The following KCNMA1 variants were observed in gnomAD, a reference collection of about 807,000 sequenced individuals.
KCNMA1 encodes potassium calcium-activated channel subfamily M alpha 1, also known as Calcium-activated potassium channel subunit alpha-1.
KCNMA1 carries 29 observed loss-of-function variants against 140.0 expected under a neutral mutation model. The ratio of observed to expected loss-of-function variants is 0.21; its 90% confidence interval spans 0.15 to 0.28. The LOEUF is 0.28. Ranked by LOEUF, KCNMA1 falls within the 10% of genes least tolerant of loss-of-function variation. The pLI is 1.00. For missense variants in KCNMA1, 880 were observed against 1,602.2 expected (o/e 0.55, Z 7.70); for synonymous variants, 612 against 611.9 (o/e 1.00, Z 0.00).
At chr10:77,557,160 TG>T (rs1347466330) in intron 1 of KCNMA1, among the ~76,000 whole-genome samples, 1 of 152,228 alleles carries the variant, frequency 6.6e-6, no homozygotes, top group East Asian at 1.9e-4. Context: ...TTGCAGGGAA[TG>T]GGGGCTCCAG....
At chr10:77,489,661 C>T (rs961778915) in intron 1 of KCNMA1, among the ~76,000 whole-genome samples, 1 of 152,178 alleles carries the variant, frequency 6.6e-6, no homozygotes, top group Non-Finnish European at 1.5e-5. Context: ...TTTTCATTTG[C>T]TGAATCTACC....
At chr10:77,374,726 G>T (rs952935661) in intron 2 of KCNMA1, among the ~76,000 whole-genome samples, 5 of 152,122 alleles carry the variant, frequency 3.3e-5, no homozygotes, top group Admixed American at 6.5e-5. Context: ...GTTTCTTTAG[G>T]TAGGAGGGAA....
intron 23 of KCNMA1, among the ~76,000 whole-genome samples, chr10:76,932,287 C>CT (rs1179817136): frequency 6.6e-6 from 1 of 152,064 alleles, no homozygotes; most frequent in Non-Finnish European, 1.5e-5. Context: ...AAAAGAGTGA[C>CT]TTTTTCTGGC....
At chr10:77,453,811 G>A (rs570032186) in intron 1 of KCNMA1, among the ~76,000 whole-genome samples, 4 of 152,136 alleles carry the variant, frequency 2.6e-5, no homozygotes, top group Admixed American at 2.6e-4. Flanking sequence ...TATCCAAGGT[G>A]GGGGAGAGAA....
At chr10:77,516,646 A>T (rs2050571645) in intron 1 of KCNMA1, among the ~76,000 whole-genome samples, 1 of 152,272 alleles carries the variant, frequency 6.6e-6, no homozygotes, top group African/African-American at 2.4e-5. Context: ...GCTGAGAGGC[A>T]GCTGGACCTC....
chr10:77,343,301 A>G (rs2091413859), intron 2 of KCNMA1, among the ~76,000 whole-genome samples: 1 of 152,182 alleles, frequency 6.6e-6, no homozygotes, highest in Non-Finnish European at 1.5e-5. Flanking sequence ...ATTTAAACTG[A>G]AAAACAATCC....
intron 1 of KCNMA1, among the ~76,000 whole-genome samples, chr10:77,449,996 C>T (rs1169835661): frequency 2.0e-5 from 3 of 152,074 alleles, no homozygotes; most frequent in African/African-American, 7.2e-5. Context: ...GTCACCCAGG[C>T]TAGAGTGCAG....
chr10:77,185,999 C>T (rs2098846829), intron 3 of KCNMA1, among the ~76,000 whole-genome samples: 1 of 152,108 alleles, frequency 6.6e-6, no homozygotes, highest in Admixed American at 6.5e-5. Flanking sequence ...CAGGAGAGGG[C>T]CAGCTTGAGA....
chr10:77,077,619 C>T (rs1030997052), intron 13 of KCNMA1, among the ~76,000 whole-genome samples: 1 of 152,194 alleles, frequency 6.6e-6, no homozygotes, highest in South Asian at 2.1e-4. Flanking sequence ...AAACATACAA[C>T]ATTAATTTTC....
Position 77,034,261 on chromosome 10 carries a change from AAGAG to A in KCNMA1, c.1859+5263_1859+5266del, listed in dbSNP as rs1017936737. Among the ~76,000 whole-genome samples, 8 of 151,518 alleles carry A rather than the reference AAGAG, an allele frequency of 5.3e-5. No homozygotes were observed. In the East Asian group the frequency reaches 9.7e-4, roughly 18 times the overall value. On this transcript the variant is annotated intron_variant, in intron 15 of 27. Transcript: ENST00000286628. Reference sequence around the variant, plus strand: ...TCCATCTCAAAAAAAAAAAAAAAAAAAGAGAGAGATCTGAGCCTCTCCATAAATT... The same window carrying A: ...TCCATCTCAAAAAAAAAAAAAAAAAAAGAGATCTGAGCCTCTCCATAAATT...
intron 19 of KCNMA1, among the ~76,000 whole-genome samples, chr10:76,996,529 C>T (rs2084395995): frequency 6.6e-6 from 1 of 152,068 alleles, no homozygotes; most frequent in Admixed American, 6.5e-5. Flanking sequence ...GACGCATGGG[C>T]CAGGGTAACT....
chr10:77,494,265 T>A (rs891688001), intron 1 of KCNMA1, among the ~76,000 whole-genome samples: 1 of 149,390 alleles, frequency 6.7e-6, no homozygotes, highest in Admixed American at 6.7e-5. Context: ...AGCAATGGGG[T>A]CCCAGTCCTC....
At chr10:77,094,106 G>T (rs1055884811) in intron 9 of KCNMA1, among the ~76,000 whole-genome samples, 9 of 152,178 alleles carry the variant, frequency 5.9e-5, no homozygotes, top group African/African-American at 2.2e-4. Flanking sequence ...ACTATGAAAT[G>T]GTAAGTGCCA....
intron 25 of KCNMA1, among the ~76,000 whole-genome samples, chr10:76,908,871 T>C (rs1357240681): frequency 1.3e-5 from 2 of 152,376 alleles, no homozygotes; most frequent in African/African-American, 4.8e-5. Context: ...GACTTCATAA[T>C]ACCCAGGTTA....
intron 2 of KCNMA1, among the ~76,000 whole-genome samples, chr10:77,285,875 A>T (rs1008285910): frequency 4.6e-5 from 7 of 152,242 alleles, no homozygotes; most frequent in Non-Finnish European, 1.0e-4. Flanking sequence ...TCAGATGATT[A>T]GATGAGATGT....
chr10:76,893,576 C>A (rs1173916557), intron 25 of KCNMA1, among the ~76,000 whole-genome samples: 10 of 151,850 alleles, frequency 6.6e-5, no homozygotes, highest in Admixed American at 5.3e-4. Flanking sequence ...CTAGTCTCTA[C>A]TAAAAATAAA....
intron 25 of KCNMA1, among the ~76,000 whole-genome samples, chr10:76,895,038 C>T (rs7067873): frequency 6.6e-6 from 1 of 152,240 alleles, no homozygotes; most frequent in South Asian, 2.1e-4. Flanking sequence ...GACTGACCCG[C>T]ACTTAATCGG....
At chr10:77,000,333 A>G (rs551564881) in intron 19 of KCNMA1, among the ~76,000 whole-genome samples, 91 of 152,342 alleles carry the variant, frequency 6.0e-4, no homozygotes, top group African/African-American at 2.1e-3. Flanking sequence ...GTGGAACCAC[A>G]GCCTTTTCTG....
intron 2 of KCNMA1, among the ~76,000 whole-genome samples, chr10:77,263,580 T>C (rs1194332922): frequency 3.9e-5 from 6 of 152,174 alleles, no homozygotes; most frequent in Non-Finnish European, 7.4e-5. Context: ...AAAATTTTCA[T>C]CTTCTACAGC....
Sources: gnomAD v4.1 joint callset for allele counts (sites outside exome capture counted in the v4.1 genomes callset) on GRCh38, gnomAD v4.1.1 for gene constraint, MANE v1.5 for transcripts, NCBI Gene and HGNC (gene_info 2026-07-23, HGNC 2026-07-21) for gene names.